The following ZNF385D variants were observed in gnomAD, a reference collection of about 807,000 sequenced individuals.
ZNF385D encodes the protein zinc finger protein 659.
Under a neutral mutation model 35.8 loss-of-function variants are expected in ZNF385D, and 15 were observed. The ratio of observed to expected loss-of-function variants is 0.42; its 90% CI spans 0.28 to 0.64. ZNF385D has a LOEUF of 0.64. Ranked by LOEUF, ZNF385D falls within the 30% of genes least tolerant of loss-of-function variation. The pLI is 0.23. For synonymous variants in ZNF385D, 212 were observed against 186.8 expected (o/e 1.13, Z -1.10); for missense variants, 474 against 494.6 (o/e 0.96, Z 0.39).
At chr3:21,657,023 A>G (rs992228736) in intron 2 of ZNF385D, among the ~76,000 whole-genome samples, 1 of 151,882 alleles carries the variant, frequency 6.6e-6, no homozygotes, top group South Asian at 2.1e-4. Flanking sequence ...TCTCATTATG[A>G]TTAGGTTGAC....
chr3:22,320,506 T>C (rs1451378957), intron 2 of ZNF385D, among the ~76,000 whole-genome samples: 1 of 151,752 alleles, frequency 6.6e-6, no homozygotes, highest in African/African-American at 2.4e-5. Flanking sequence ...TTTTGGCATA[T>C]GATAGTGAGG....
chr3:22,290,466 GA>G (rs1702244267), intron 2 of ZNF385D, among the ~76,000 whole-genome samples: 1 of 152,150 alleles, frequency 6.6e-6, no homozygotes, highest in African/African-American at 2.4e-5. Flanking sequence ...AAGAAGCTGG[GA>G]AGGGGACATA....
chr3:21,736,567 T>G (rs17009397), intron 1 of ZNF385D, among the ~76,000 whole-genome samples: 6,891 of 152,286 alleles, frequency 0.045, 212 homozygotes, highest in East Asian at 0.098. Context: ...GGGTAAAATT[T>G]CACTTACAAA....
chr3:22,282,807 G>C (rs1383710630), intron 2 of ZNF385D, among the ~76,000 whole-genome samples: 1 of 151,858 alleles, frequency 6.6e-6, no homozygotes, highest in Non-Finnish European at 1.5e-5. Flanking sequence ...TCAACAAATA[G>C]CATGATGAAT....
At chr3:22,289,739 T>C (rs2125395123) in intron 2 of ZNF385D, among the ~76,000 whole-genome samples, 1 of 152,242 alleles carries the variant, frequency 6.6e-6, no homozygotes. Context: ...GGATATGGTG[T>C]AGGAGCTATA....
chr3:21,892,959 T>G (rs73042633), intron 3 of ZNF385D, among the ~76,000 whole-genome samples: 1 of 152,238 alleles, frequency 6.6e-6, no homozygotes, highest in Non-Finnish European at 1.5e-5. Flanking sequence ...TTCTATTGCG[T>G]GTATGTATTT....
intron 2 of ZNF385D, among the ~76,000 whole-genome samples, chr3:22,279,021 C>A (rs1701579416): frequency 6.6e-6 from 1 of 152,112 alleles, no homozygotes; most frequent in African/African-American, 2.4e-5. Flanking sequence ...TCTATGGCGT[C>A]CACTTCCTAC....
intron 3 of ZNF385D, among the ~76,000 whole-genome samples, chr3:22,073,479 T>G (rs1700323835): frequency 6.6e-6 from 1 of 151,960 alleles, no homozygotes; most frequent in African/African-American, 2.4e-5. Flanking sequence ...TTTCCTGAAA[T>G]TTAATAATTG....
At chr3:22,195,145 T>C (rs528560682) in intron 2 of ZNF385D, among the ~76,000 whole-genome samples, 1 of 151,974 alleles carries the variant, frequency 6.6e-6, no homozygotes, top group African/African-American at 2.4e-5. Context: ...TCATAAGTAC[T>C]TTTTAAAGTT....
At chr3:22,170,455 G>A (rs894214876) in intron 2 of ZNF385D, among the ~76,000 whole-genome samples, 5 of 152,106 alleles carry the variant, frequency 3.3e-5, no homozygotes, top group Admixed American at 6.6e-5. Context: ...CTATTTATGG[G>A]TATTGAAGTC....
At chr3:22,214,094 C>T (rs1352799547) in intron 2 of ZNF385D, among the ~76,000 whole-genome samples, 1 of 151,960 alleles carries the variant, frequency 6.6e-6, no homozygotes, top group Non-Finnish European at 1.5e-5. Flanking sequence ...CTGGCTGAAG[C>T]CATGGCAGAA....
intron 3 of ZNF385D, among the ~76,000 whole-genome samples, chr3:21,519,775 C>T (rs1707797536): frequency 1.3e-5 from 2 of 152,200 alleles, no homozygotes. Context: ...ACCACTTCGT[C>T]TAGCTGCTCA....
intron 2 of ZNF385D, among the ~76,000 whole-genome samples, chr3:21,598,257 CTGAT>C (rs1248562795): frequency 6.6e-6 from 1 of 152,152 alleles, no homozygotes; most frequent in African/African-American, 2.4e-5. Flanking sequence ...TATCTCATTT[CTGAT>C]TTATTTTCAG....
chr3:21,833,973 T>C (rs907545419), intron 3 of ZNF385D, among the ~76,000 whole-genome samples: 6 of 152,302 alleles, frequency 3.9e-5, no homozygotes, highest in Non-Finnish European at 5.9e-5. Flanking sequence ...AGTTCTTTAA[T>C]TGAAAATGTT....
intron 1 of ZNF385D, among the ~76,000 whole-genome samples, chr3:21,710,679 T>C (rs1204810412): frequency 6.6e-6 from 1 of 152,178 alleles, no homozygotes; most frequent in Non-Finnish European, 1.5e-5. Context: ...AAAGGATCTA[T>C]GATAATTCTG....
intron 1 of ZNF385D, among the ~76,000 whole-genome samples, chr3:21,694,061 T>TTTTTTTTTTTTTTTTTTTTA: frequency 8.1e-6 from 1 of 124,154 alleles, no homozygotes; most frequent in Admixed American, 8.1e-5. Context: ...TTTTTTTTTT[T>TTTTTTTTTTTTTTTTTTTTA]GAGACAGAGT....
At chr3:21,801,821 G>A (rs1356357115) in intron 3 of ZNF385D, among the ~76,000 whole-genome samples, 1 of 152,042 alleles carries the variant, frequency 6.6e-6, no homozygotes, top group African/African-American at 2.4e-5. Flanking sequence ...ACCAATTTGG[G>A]TTTCAGGATG....
chr3:21,778,201 C>A (rs1400716045), intron 3 of ZNF385D, among the ~76,000 whole-genome samples: 1 of 151,826 alleles, frequency 6.6e-6, no homozygotes, highest in East Asian at 1.9e-4. Flanking sequence ...ACAGTGATAC[C>A]CAATTTTCTC....
chr3:22,218,353 G>T (rs112773803), intron 2 of ZNF385D, among the ~76,000 whole-genome samples: 438 of 150,956 alleles, frequency 2.9e-3, no homozygotes, highest in African/African-American at 0.01. Context: ...AATTATTGCT[G>T]GTAAACAGAA....
Sources: gnomAD v4.1 joint callset for allele counts (sites outside exome capture counted in the v4.1 genomes callset) on GRCh38, gnomAD v4.1.1 for gene constraint, MANE v1.5 for transcripts, NCBI Gene and HGNC (gene_info 2026-07-23, HGNC 2026-07-21) for gene names.